Variants in TYW5 observed in about 807,000 individuals in gnomAD.
TYW5 encodes the protein tRNA wybutosine-synthesizing protein 5.
Under a neutral mutation model 44.4 loss-of-function variants are expected in TYW5, and 36 were observed. The ratio of observed to expected loss-of-function variants is 0.81; its 90% confidence interval spans 0.62 to 1.07. The LOEUF (loss-of-function observed/expected upper bound fraction) is 1.07. Ranked by LOEUF, TYW5 falls within the 50% of genes least tolerant of loss-of-function variation. The pLI is 0.00. For missense variants in TYW5, 354 were observed against 365.7 expected, an observed-to-expected ratio of 0.97 and a Z score of 0.26; for synonymous variants, 121 against 128.1, an observed-to-expected ratio of 0.94 and a Z score of 0.37.
At chr2:199,935,765 CAT>C (rs1485052003) in intron 7 of TYW5, among the ~76,000 whole-genome samples, 164 bp downstream of exon 7, 54 of 123,680 alleles carry the variant, frequency 4.4e-4, no homozygotes, top group South Asian at 9.0e-4. Flanking sequence ...CACACACACA[CAT>C]ACACACACAC....
At chr2:199,952,501 TTTTTCTACCAGA>T (rs1452145384) in intron 1 of TYW5, among the ~76,000 whole-genome samples, 1 of 152,260 alleles carries the variant, frequency 6.6e-6, no homozygotes, top group Non-Finnish European at 1.5e-5. Flanking sequence ...CGTTTGCTCA[TTTTTCTACCAGA>T]TTTTCAGCCT....
intron 2 of TYW5, chr2:199,946,148 A>G: frequency 6.6e-6 from 1 of 152,346 alleles, no homozygotes; most frequent in African/African-American, 2.4e-5. Context: ...TTATTATTAA[A>G]AATATCTACC....
At chr2:199,950,902 C>T (rs936654391) in intron 1 of TYW5, among the ~76,000 whole-genome samples, 2 of 152,324 alleles carry the variant, frequency 1.3e-5, no homozygotes, top group African/African-American at 2.4e-5. Flanking sequence ...GCAAACCTGT[C>T]ACACTTGTTT....
At chr2:199,948,085 C>G (rs2077516383) in intron 2 of TYW5, 4 of 407,502 alleles carry the variant, frequency 9.8e-6, no homozygotes. Context: ...CAGTAAAACT[C>G]TGTCTCAAAA....
intron 1 of TYW5, among the ~76,000 whole-genome samples, chr2:199,953,917 C>A (rs2077569592): frequency 6.6e-6 from 1 of 152,114 alleles, no homozygotes; most frequent in South Asian, 2.1e-4. Flanking sequence ...TTCCACATAC[C>A]CTAATCTTCA....
intron 4 of TYW5, 60 bp downstream of exon 4, chr2:199,940,029 A>G: frequency 6.8e-7 from 1 of 1,467,764 alleles, no homozygotes; most frequent in East Asian, 2.3e-5. Flanking sequence ...CAGTGTTGCC[A>G]GTTAACATAC....
At chr2:199,948,240 T>A (rs2105708976) in intron 2 of TYW5, 78 bp downstream of exon 2, 1 of 1,468,414 alleles carries the variant, frequency 6.8e-7, no homozygotes, top group East Asian at 2.3e-5. Flanking sequence ...ATATGGTCTT[T>A]GTATAATAAT....
chr2:199,944,842 C>T (rs942158601), intron 2 of TYW5: 1 of 152,196 alleles, frequency 6.6e-6, no homozygotes, highest in Non-Finnish European at 1.5e-5. Context: ...AGCTTACTTT[C>T]TCCTTGCACT....
intron 5 of TYW5, among the ~76,000 whole-genome samples, chr2:199,938,570 G>A (rs571071539): frequency 2.0e-5 from 3 of 152,130 alleles, no homozygotes; most frequent in East Asian, 3.9e-4. Flanking sequence ...AGAGTCATGT[G>A]TATCATTTAT....
Position 199,935,540 on chromosome 2 carries a change from G to A in TYW5, c.691+391C>T, listed in dbSNP as rs2077411790. ...ATTTATTTATTTTTGTCGAGACGGG[G>A]TCTCGCTATGTTGCCCATGCTGGTC... On this transcript the variant is annotated intron_variant, in intron 7 of 7. Transcript: ENST00000354611. Among the ~76,000 whole-genome samples, 4 of 150,478 alleles carry A rather than the reference G, an allele frequency of 2.7e-5. No homozygotes were observed. In the South Asian group the frequency reaches 8.3e-4, roughly 31 times the overall value.
chr2:199,931,316 C>T lies in TYW5; in HGVS notation c.*1751G>A, dbSNP rs1323343928. On this transcript the variant is annotated 3_prime_UTR_variant, in exon 8 of 8. Coordinates refer to ENST00000354611, the MANE Select transcript of TYW5 (RefSeq NM_001039693.3). Reference sequence around the variant, plus strand: ...CCAGTTTGCTTCTCCATTAAACAATCAATTAAGATGACTATTCAGTGCACA... The same window carrying T: ...CCAGTTTGCTTCTCCATTAAACAATTAATTAAGATGACTATTCAGTGCACA... 1 of 152,088 alleles carries T rather than the reference C, an allele frequency of 6.6e-6. No individual in the cohort carries two copies. Among genetic ancestry groups the T allele is most frequent in the African/African-American group, 2.4e-5 (1 of 41,446 alleles). The allele number at this position is 152,088 out of a possible 1,614,324, so 9.4% of individuals were successfully genotyped here.
chr2:199,946,046 A>G (rs779906579), intron 2 of TYW5: 3 of 152,236 alleles, frequency 2.0e-5, no homozygotes, highest in Non-Finnish European at 4.4e-5. Flanking sequence ...CAGGGAAATT[A>G]GAGTAAACAC....
intron 4 of TYW5, 103 bp from the exon 5 acceptor site, chr2:199,939,173 G>C (rs1195662686): frequency 9.7e-7 from 1 of 1,032,226 alleles, no homozygotes; most frequent in African/African-American, 1.6e-5. Flanking sequence ...ACTATGATGT[G>C]ACCATGTGCC....
chr2:199,943,600 G>A (rs909586754), intron 3 of TYW5, 165 bp downstream of exon 3: 8 of 563,072 alleles, frequency 1.4e-5, no homozygotes, highest in Non-Finnish European at 2.5e-5. Context: ...CAAAGTTTGA[G>A]AGCTAATAAA....
At chr2:199,949,752 T>C (rs1002580479) in intron 1 of TYW5, among the ~76,000 whole-genome samples, 1 of 152,344 alleles carries the variant, frequency 6.6e-6, no homozygotes, top group South Asian at 2.1e-4. Flanking sequence ...TGTTTTGCTA[T>C]GATGAGTGCA....
In TYW5 at chr2:199,948,300, A is replaced by C; in HGVS notation, c.233+18T>G. On this transcript the variant is annotated intron_variant, in intron 2 of 7. Transcript: ENST00000354611. ...AAAAGTTATTTGTATCCCCAGAGTA[A>C]ACCTCAGAAGAAAATACCTATATAC... 1.9e-6 allele frequency: 3 copies of C among 1,613,688 alleles called. No homozygotes were observed. In the Admixed American group the frequency reaches 5.0e-5, roughly 27 times the overall value.
At position 199,933,306 on chromosome 2, in the gene TYW5, C is replaced by T. The variant is rs2105688009; in HGVS notation, c.709G>A (p.Val237Ile). The T allele has an allele frequency of 1.2e-6, 2 of 1,607,184 alleles. No homozygotes were observed. Among genetic ancestry groups the T allele is most frequent in the African/African-American group, 1.3e-5 (1 of 74,618 alleles). The change falls in exon 8 of 8, where the codon GTA becomes ATA. Residue 237 changes from valine to isoleucine, a missense_variant. Coordinates refer to ENST00000354611, the MANE Select transcript of TYW5 (RefSeq NM_001039693.3). Reference protein sequence around the residue: ...LFIPALWFHNVISEEFGVGVN... With the variant: ...LFIPALWFHNIISEEFGVGVN... Reference sequence around the variant, plus strand: ...CCCACTCCAAACTCTTCAGAAATTACATTATGGAACCATAAAGCTGGAGAA... The same window carrying T: ...CCCACTCCAAACTCTTCAGAAATTATATTATGGAACCATAAAGCTGGAGAA...
At chr2:199,948,294 A>C (rs1317863976) in intron 2 of TYW5, 24 bp downstream of exon 2, 8 of 1,612,712 alleles carry the variant, frequency 5.0e-6, no homozygotes, top group Non-Finnish European at 6.8e-6. Context: ...TTGTATCCCC[A>C]GAGTAAACCT....
chr2:199,936,133 ATTC>A (rs2077418980), intron 6 of TYW5, 86 bp from the exon 7 acceptor site: 1 of 865,550 alleles, frequency 1.2e-6, no homozygotes, highest in South Asian at 1.6e-5. Context: ...TTGAAAATTT[ATTC>A]TTTTCTATCC....
Sources: allele counts gnomAD v4.1 joint callset (sites outside exome capture counted in the v4.1 genomes callset), GRCh38; gene constraint gnomAD v4.1.1; transcripts MANE v1.5; gene names NCBI Gene and HGNC (gene_info 2026-07-23, HGNC 2026-07-21).